The following SH3GL2 variants were observed in gnomAD, a reference collection of about 807,000 sequenced individuals.
The protein encoded by SH3GL2 is SH3 domain containing GRB2 like 2, endophilin A1.
In SH3GL2, 24 loss-of-function variants were observed where a neutral mutation model predicts 46.0. That is an observed-to-expected ratio of 0.52 (90% CI 0.38 to 0.73). The LOEUF (loss-of-function observed/expected upper bound fraction) is 0.73, where lower values mean the gene tolerates loss of function less well. Ranked by LOEUF, SH3GL2 falls within the 30% of genes least tolerant of loss-of-function variation. The pLI is 0.00. For missense variants in SH3GL2, 413 were observed against 424.2 expected (o/e 0.97, Z 0.23); for synonymous variants, 196 against 147.1 (o/e 1.33, Z -2.40).
rs549876583 is a variant in SH3GL2, at chr9:17,753,297, A to G, written c.114+6163A>G. On this transcript the variant is annotated intron_variant, in intron 2 of 8. Coordinates refer to ENST00000380607, the MANE Select transcript of SH3GL2 (RefSeq NM_003026.5). ...AGGAATCACCACACTATCTTCCACA[A>G]TGGTTGAACTAATTTACACTCCTAC... 6.6e-5 allele frequency among the ~76,000 whole-genome samples: 10 copies of G among 152,314 alleles called. No homozygotes were observed. In the East Asian group the frequency reaches 1.2e-3, roughly 18 times the overall value.
At chr9:17,738,253 G>A (rs180837470) in intron 1 of SH3GL2, among the ~76,000 whole-genome samples, 3 of 151,352 alleles carry the variant, frequency 2.0e-5, no homozygotes, top group African/African-American at 7.3e-5. Flanking sequence ...CTTTTTTTCT[G>A]AAGAATGGAA....
intron 1 of SH3GL2, among the ~76,000 whole-genome samples, chr9:17,717,350 A>G (rs771312206): frequency 1.8e-4 from 27 of 152,208 alleles, no homozygotes; most frequent in Non-Finnish European, 2.9e-5. Flanking sequence ...TCGGTCTTTT[A>G]CTAACCTCCA....
intron 6 of SH3GL2, among the ~76,000 whole-genome samples, chr9:17,790,066 T>A (rs1473975975): frequency 6.6e-6 from 1 of 152,162 alleles, no homozygotes; most frequent in African/African-American, 2.4e-5. Context: ...GCATCAGTAG[T>A]ACTGGTGCAA....
chr9:17,650,489 A>G (rs2134664746), intron 1 of SH3GL2, among the ~76,000 whole-genome samples: 1 of 152,214 alleles, frequency 6.6e-6, no homozygotes, highest in South Asian at 2.1e-4. Flanking sequence ...CTCCTGCCTC[A>G]GCCTCTTGAG....
At chr9:17,732,312 C>A (rs1822208124) in intron 1 of SH3GL2, among the ~76,000 whole-genome samples, 3 of 151,994 alleles carry the variant, frequency 2.0e-5, no homozygotes, top group Non-Finnish European at 4.4e-5. Flanking sequence ...GAGGAAAAGA[C>A]AAATGCATGG....
intron 1 of SH3GL2, among the ~76,000 whole-genome samples, chr9:17,718,573 C>T (rs1161296671): frequency 6.6e-6 from 1 of 152,024 alleles, no homozygotes; most frequent in East Asian, 1.9e-4. Context: ...AACAACCCCA[C>T]AAAAATTAGC....
chr9:17,689,406 C>A (rs765330358), intron 1 of SH3GL2, among the ~76,000 whole-genome samples: 1 of 152,036 alleles, frequency 6.6e-6, no homozygotes, highest in East Asian at 1.9e-4. Context: ...CACTTTAGTT[C>A]ATAATAATAT....
At chr9:17,590,115 C>T (rs1221488667) in intron 1 of SH3GL2, 1 of 152,178 alleles carries the variant, frequency 6.6e-6, no homozygotes, top group Non-Finnish European at 1.5e-5. Context: ...ACACCTCTCA[C>T]TTCTGTTATT....
intron 1 of SH3GL2, among the ~76,000 whole-genome samples, chr9:17,586,952 ATCCCAGCACTTTGGGAGG>A (rs1818388633): frequency 6.6e-6 from 1 of 152,216 alleles, no homozygotes; most frequent in South Asian, 2.1e-4. Flanking sequence ...CATGCCTGCA[ATCCCAGCACTTTGGGAGG>A]TCGAGGCAGG....
chr9:17,752,696 A>G (rs1308037449), intron 2 of SH3GL2, among the ~76,000 whole-genome samples: 2 of 151,960 alleles, frequency 1.3e-5, no homozygotes, highest in Non-Finnish European at 2.9e-5. Context: ...TTGAGGTCCA[A>G]TTTCTTTCTT....
chr9:17,744,110 A>G (rs1009278174), intron 1 of SH3GL2, among the ~76,000 whole-genome samples: 8 of 152,136 alleles, frequency 5.3e-5, no homozygotes, highest in Non-Finnish European at 1.0e-4. Flanking sequence ...AATATTTTTT[A>G]TTGTGTGGGA....
intron 1 of SH3GL2, among the ~76,000 whole-genome samples, chr9:17,720,443 G>T (rs1821866562): frequency 6.6e-6 from 1 of 152,102 alleles, no homozygotes; most frequent in African/African-American, 2.4e-5. Flanking sequence ...ACAGAAAAGG[G>T]AAAGTGAAGT....
intron 1 of SH3GL2, among the ~76,000 whole-genome samples, chr9:17,706,560 C>G (rs148098916): frequency 5.9e-4 from 90 of 152,156 alleles, no homozygotes; most frequent in Non-Finnish European, 1.0e-3. Flanking sequence ...TCATTTATCT[C>G]TGTCATAAAA....
intron 1 of SH3GL2, among the ~76,000 whole-genome samples, chr9:17,579,653 C>T (rs937081068): frequency 1.1e-4 from 17 of 152,328 alleles, no homozygotes; most frequent in African/African-American, 4.1e-4. Context: ...GTAAAGTCGC[C>T]TCTTCACGGG....
intron 1 of SH3GL2, among the ~76,000 whole-genome samples, chr9:17,738,641 T>TATATATATATATATATAGAGAGAGAGAG (rs376280314): frequency 3.4e-5 from 3 of 88,898 alleles, no homozygotes; most frequent in Admixed American, 1.3e-4. Context: ...TATATATATA[T>TATATATATATATATATAGAGAGAGAGAG]AGAGAGAGAG....
chr9:17,616,791 T>C (rs71504866), intron 1 of SH3GL2, among the ~76,000 whole-genome samples: 1 of 152,218 alleles, frequency 6.6e-6, no homozygotes, highest in East Asian at 1.9e-4. Context: ...CATCTTATTG[T>C]CTGATTTTTA....
chr9:17,758,486 T>G (rs1312043432), intron 2 of SH3GL2, among the ~76,000 whole-genome samples: 1 of 135,346 alleles, frequency 7.4e-6, no homozygotes, highest in Non-Finnish European at 1.5e-5. Flanking sequence ...CGCTTGAACC[T>G]GGGAGGAGGA....
chr9:17,620,589 G>T (rs908867328), intron 1 of SH3GL2, among the ~76,000 whole-genome samples: 1 of 152,184 alleles, frequency 6.6e-6, no homozygotes, highest in African/African-American at 2.4e-5. Flanking sequence ...GGTTGGTGCA[G>T]TACTCTGGGC....
At chr9:17,597,671 C>T (rs1245315482) in intron 1 of SH3GL2, among the ~76,000 whole-genome samples, 1 of 152,176 alleles carries the variant, frequency 6.6e-6, no homozygotes, top group Non-Finnish European at 1.5e-5. Context: ...CATAATTGGA[C>T]ACAACTTGTA....
Sources: gnomAD v4.1 joint callset for allele counts (sites outside exome capture counted in the v4.1 genomes callset) on GRCh38, gnomAD v4.1.1 for gene constraint, MANE v1.5 for transcripts, NCBI Gene and HGNC (gene_info 2026-07-23, HGNC 2026-07-21) for gene names.